SLC2A2: variants seen among roughly 807,000 people sequenced by gnomAD.
SLC2A2 encodes the protein solute carrier family 2, facilitated glucose transporter member 2.
Under a neutral mutation model 54.5 loss-of-function variants are expected in SLC2A2, and 36 were observed. The observed-to-expected ratio is 0.66, with a 90% CI of 0.51 to 0.87. SLC2A2 has a LOEUF of 0.87. Among genes scored for constraint, SLC2A2 ranks in the 40% least tolerant of loss-of-function variants. The pLI, the probability that SLC2A2 is intolerant of heterozygous loss-of-function variation, is 0.00. For synonymous variants in SLC2A2, 223 were observed against 219.1 expected (o/e 1.02, Z -0.16); for missense variants, 543 against 624.3 (o/e 0.87, Z 1.39).
chr3:171,006,124 A>T lies in SLC2A2; in HGVS notation c.613-19T>A. 1 of 1,607,470 alleles carries T rather than the reference A, an allele frequency of 6.2e-7. No individual in the cohort carries two copies. Among genetic ancestry groups the T allele is most frequent in the Non-Finnish European group, 8.5e-7 (1 of 1,174,740 alleles). On this transcript the variant is annotated intron_variant, in intron 5 of 10. Transcript: ENST00000314251. Reference sequence around the variant, plus strand: ...CAATAATCTGAAAATGCAAGGAGGAAGTATATCAACTACATAATACTTTGG... The same window carrying T: ...CAATAATCTGAAAATGCAAGGAGGATGTATATCAACTACATAATACTTTGG...
chr3:171,012,822 A>G (rs1416829634), intron 3 of SLC2A2, among the ~76,000 whole-genome samples: 1 of 152,158 alleles, frequency 6.6e-6, no homozygotes, highest in Non-Finnish European at 1.5e-5. Flanking sequence ...TATTACTAAA[A>G]GCTAGGAGAA....
At chr3:171,007,516 C>G (rs1440863066) in intron 4 of SLC2A2, 1 of 466,652 alleles carries the variant, frequency 2.1e-6, no homozygotes, top group African/African-American at 2.0e-5. Context: ...ATTACATCAT[C>G]TTATTTAATT....
chr3:170,998,936 G>T (rs1290253006), intron 9 of SLC2A2, 129 bp downstream of exon 9: 8 of 759,240 alleles, frequency 1.1e-5, no homozygotes, highest in Non-Finnish European at 2.0e-5. Context: ...ATTTTATGCT[G>T]TTGCTCTGGC....
chr3:171,010,178 G>A (rs937351742), intron 3 of SLC2A2, 96 bp from the exon 4 acceptor site: 23 of 1,278,480 alleles, frequency 1.8e-5, no homozygotes, highest in Admixed American at 8.7e-5. Context: ...TAACCTAAGA[G>A]CAATTATTTT....
At chr3:171,019,475 T>G (rs1272010395) in intron 1 of SLC2A2, among the ~76,000 whole-genome samples, 1 of 152,094 alleles carries the variant, frequency 6.6e-6, no homozygotes, top group Non-Finnish European at 1.5e-5. Flanking sequence ...AATGAAACTG[T>G]GTAGAAAAGG....
chr3:170,997,056 G>C lies in SLC2A2; in HGVS notation c.*847C>G, dbSNP rs1324410775. The C allele has an allele frequency of 6.3e-6, 1 of 159,476 alleles. No individual in the cohort carries two copies. The highest frequency in any genetic ancestry group is 1.4e-5 in the Non-Finnish European group (1 of 73,210). 9.9% of individuals were successfully genotyped at this position (159,476 alleles called of 1,614,324 possible). A position where few individuals can be genotyped will look rare whatever the true frequency, so the allele number is the denominator to read the frequency against. On this transcript the variant is annotated 3_prime_UTR_variant, in exon 11 of 11. Coordinates refer to ENST00000314251, the MANE Select transcript of SLC2A2 (RefSeq NM_000340.2). ...CCAAATGTCTGACTCATGATTGTTT[G>C]AGTGTATGTGAAAACCAGGCTGTCC...
chr3:171,015,739 A>G (rs540914758), intron 2 of SLC2A2, among the ~76,000 whole-genome samples: 2 of 152,294 alleles, frequency 1.3e-5, no homozygotes, highest in Admixed American at 1.3e-4. Context: ...ACAACCGGGT[A>G]TATTATTGAT....
intron 2 of SLC2A2, among the ~76,000 whole-genome samples, chr3:171,016,977 C>T (rs779518374): frequency 3.3e-5 from 5 of 151,868 alleles, no homozygotes; most frequent in South Asian, 2.1e-4. Flanking sequence ...CTCAGCCTCC[C>T]GAGTAGCTGG....
intron 1 of SLC2A2, 131 bp from the exon 2 acceptor site, chr3:171,018,754 A>G (rs1716277409): frequency 1.4e-6 from 1 of 703,516 alleles, no homozygotes. Context: ...GATTTGCAGT[A>G]TGCCCTGTGC....
At chr3:171,023,597 A>G (rs1246554525) in intron 1 of SLC2A2, among the ~76,000 whole-genome samples, 1 of 152,208 alleles carries the variant, frequency 6.6e-6, no homozygotes, top group Non-Finnish European at 1.5e-5. Flanking sequence ...AGTTGACACA[A>G]GAAGAAGTAC....
At chr3:171,002,094 C>CT (rs1183851488) in intron 8 of SLC2A2, among the ~76,000 whole-genome samples, 1 of 151,882 alleles carries the variant, frequency 6.6e-6, no homozygotes, top group African/African-American at 2.4e-5. Context: ...TGCTTAAAGG[C>CT]TTAAATGTCT....
chr3:171,007,036 G>A (rs1715643349), intron 5 of SLC2A2, 112 bp downstream of exon 5: 4 of 733,866 alleles, frequency 5.5e-6, no homozygotes, highest in Non-Finnish European at 7.5e-6. Context: ...AGTCAGGGAG[G>A]GACGAGATGG....
At position 171,010,092 on chromosome 3, in the gene SLC2A2, T is replaced by A. The variant is rs1473028103; in HGVS notation, c.372-10A>T. The A allele has an allele frequency of 1.9e-6, 3 of 1,611,830 alleles. No homozygotes were observed. In the South Asian group the frequency reaches 3.3e-5, roughly 18 times the overall value. ...TAACATGGCTTTGATTCTGAAATTTTAAAAAGCAAGGAATATAAATTCAGC... is the reference window on the plus strand; with the variant it reads ...TAACATGGCTTTGATTCTGAAATTTAAAAAAGCAAGGAATATAAATTCAGC... On this transcript the variant is annotated splice_polypyrimidine_tract_variant and intron_variant, in intron 3 of 10. Coordinates refer to ENST00000314251, the MANE Select transcript of SLC2A2 (RefSeq NM_000340.2).
intron 4 of SLC2A2, among the ~76,000 whole-genome samples, chr3:171,008,422 C>A (rs537765170): frequency 6.6e-6 from 1 of 152,090 alleles, no homozygotes; most frequent in South Asian, 2.1e-4. Context: ...ACCTGAAAAA[C>A]AGAATAATGT....
Position 171,010,813 on chromosome 3 carries a change from C to T in SLC2A2, c.372-731G>A, listed in dbSNP as rs149564813. Among the ~76,000 whole-genome samples the T allele has an allele frequency of 3.5e-3, 538 of 152,056 alleles. 5 individuals carry two copies. Among genetic ancestry groups the T allele is most frequent in the African/African-American group, 0.012 (507 of 41,482 alleles). ...AATGTAAAATACATAATAGAGCTGA[C>T]AATAGCAACAAAAACACTTTCAAAA... On this transcript the variant is annotated intron_variant, in intron 3 of 10. Coordinates refer to ENST00000314251, the MANE Select transcript of SLC2A2 (RefSeq NM_000340.2).
chr3:171,003,670 T>C lies in SLC2A2; in HGVS notation c.964-990A>G, dbSNP rs538290793. Among the ~76,000 whole-genome samples, 3 of 152,114 alleles carry C rather than the reference T, an allele frequency of 2.0e-5. No homozygotes were observed. The South Asian group carries it at 6.2e-4, about 32-fold the overall frequency. ...ATCATGATGTCAACATTTTTAAATG[T>C]CTTTTAGCTATTGATTATGAATAGT... On this transcript the variant is annotated intron_variant, in intron 7 of 10. Transcript: ENST00000314251.
chr3:171,009,517 A>G (rs1576833074), intron 4 of SLC2A2, among the ~76,000 whole-genome samples: 1 of 152,050 alleles, frequency 6.6e-6, no homozygotes, highest in Non-Finnish European at 1.5e-5. Context: ...GGGTCGTGGT[A>G]TAGCAGTCTC....
intron 3 of SLC2A2, among the ~76,000 whole-genome samples, chr3:171,011,598 T>C (rs916482379): frequency 3.9e-5 from 6 of 152,278 alleles, no homozygotes; most frequent in East Asian, 1.9e-4. Flanking sequence ...AGCCACTAAA[T>C]TGGGGATAAT....
At position 171,022,255 on chromosome 3, in the gene SLC2A2, A is replaced by G. The variant is rs543032351; in HGVS notation, c.16-3632T>C. ...ACTTCTTGGTTATTTTGCATCCCTC[A>G]TTAGTCAGATACAGACATTCAAAAG... On this transcript the variant is annotated intron_variant, in intron 1 of 10. Transcript: ENST00000314251. Among the ~76,000 whole-genome samples, 13 of 152,338 alleles carry G rather than the reference A, an allele frequency of 8.5e-5. No individual in the cohort carries two copies. The South Asian group carries it at 2.7e-3, about 32-fold the overall frequency.
Sources: allele counts gnomAD v4.1 joint callset (sites outside exome capture counted in the v4.1 genomes callset), GRCh38; gene constraint gnomAD v4.1.1; transcripts MANE v1.5; gene names NCBI Gene and HGNC (gene_info 2026-07-23, HGNC 2026-07-21).